The following NLGN1 variants were observed in gnomAD, a reference collection of about 807,000 sequenced individuals.
The protein encoded by NLGN1 is neuroligin-1.
A neutral mutation model predicts 65.5 loss-of-function variants in NLGN1; 12 were observed. The observed-to-expected ratio is 0.18, with a 90% CI of 0.12 to 0.30. NLGN1 has a LOEUF of 0.30. NLGN1 is among the 10% of genes least tolerant of loss of function. The pLI is 1.00. For missense variants in NLGN1, 750 were observed against 1,007.1 expected, an observed-to-expected ratio of 0.74 and a Z score of 3.46; for synonymous variants, 350 against 359.5, an observed-to-expected ratio of 0.97 and a Z score of 0.30.
intron 4 of NLGN1, among the ~76,000 whole-genome samples, chr3:174,140,639 C>T (rs530075773): frequency 1.3e-5 from 2 of 152,252 alleles, no homozygotes; most frequent in African/African-American, 4.8e-5. Flanking sequence ...TTAGCCATTA[C>T]TCCACGTTAC....
At chr3:173,913,924 T>C (rs1329036124) in intron 4 of NLGN1, among the ~76,000 whole-genome samples, 1 of 152,172 alleles carries the variant, frequency 6.6e-6, no homozygotes, top group Non-Finnish European at 1.5e-5. Context: ...TAGGGTTCCC[T>C]ACCCAAGTCA....
chr3:173,940,080 CTTTTTTTT>C (rs531013909), intron 4 of NLGN1, among the ~76,000 whole-genome samples: 1 of 75,404 alleles, frequency 1.3e-5, no homozygotes, highest in African/African-American at 6.0e-5. Flanking sequence ...ATAGTTATAG[CTTTTTTTT>C]TTTTTTTTTT....
chr3:174,266,299 A>G (rs1405552290), intron 4 of NLGN1, among the ~76,000 whole-genome samples: 1 of 152,142 alleles, frequency 6.6e-6, no homozygotes, highest in Admixed American at 6.6e-5. Flanking sequence ...ACAGGTGAGA[A>G]GATGCAGTAT....
intron 2 of NLGN1, among the ~76,000 whole-genome samples, chr3:173,530,510 G>T (rs1470334933): frequency 6.6e-6 from 1 of 152,150 alleles, no homozygotes; most frequent in Non-Finnish European, 1.5e-5. Flanking sequence ...ATTCGTGAGG[G>T]TAATTTTCTG....
intron 2 of NLGN1, among the ~76,000 whole-genome samples, chr3:173,508,921 G>C (rs1162083113): frequency 6.6e-6 from 1 of 152,076 alleles, no homozygotes; most frequent in Non-Finnish European, 1.5e-5. Flanking sequence ...CACTGCTCCA[G>C]CTCAACCAGC....
At chr3:174,262,792 G>T (rs1358530645) in intron 4 of NLGN1, among the ~76,000 whole-genome samples, 3 of 77,918 alleles carry the variant, frequency 3.9e-5, no homozygotes, top group African/African-American at 5.3e-5. Flanking sequence ...GTCAATTTTG[G>T]ATCTTTCCTG....
At chr3:173,809,283 G>T (rs912275736) in intron 4 of NLGN1, among the ~76,000 whole-genome samples, 17 of 152,164 alleles carry the variant, frequency 1.1e-4, no homozygotes, top group African/African-American at 3.4e-4. Context: ...AATAATTCTT[G>T]AATCTTAAAC....
Position 174,280,707 on chromosome 3 carries a change from A to G in NLGN1, c.1876A>G (p.Thr626Ala). Residue 626 changes from threonine (T) to alanine (A), a missense_variant, in exon 7 of 7, where the codon ACA becomes GCA. Physicochemically the swap from Thr to Ala is moderately conservative, Grantham distance 58. Coordinates refer to ENST00000457714, the Ensembl canonical transcript of NLGN1. This position sits in a 1 kb window ranked among gnomAD's most constrained non-coding sequence, Gnocchi z 4.9. The stretch of plus-strand genomic sequence containing the variant: ...TGACATTTCTCAGTATACCTCTACA[A>G]CAACTAAAGTGCCATCAACTGACAT... 1.2e-6 allele frequency: 2 copies of G among 1,613,410 alleles called. No individual in the cohort carries two copies. The highest frequency in any genetic ancestry group is 1.7e-6 in the Non-Finnish European group (2 of 1,179,570).
chr3:173,702,592 C>T (rs568773467), intron 3 of NLGN1, among the ~76,000 whole-genome samples: 4 of 152,254 alleles, frequency 2.6e-5, no homozygotes, highest in African/African-American at 9.6e-5. Flanking sequence ...AAAAGAACAT[C>T]ATATGATTTT....
intron 2 of NLGN1, among the ~76,000 whole-genome samples, chr3:173,470,795 C>T (rs1445911582): frequency 6.6e-6 from 1 of 152,106 alleles, no homozygotes; most frequent in East Asian, 1.9e-4. Context: ...CTATGGGATT[C>T]TTAATGATGA....
At chr3:174,294,015 A>G in the NLGN1 span, among the ~76,000 whole-genome samples, 1 of 151,746 alleles carries the variant, frequency 6.6e-6, no homozygotes, top group Non-Finnish European at 1.5e-5. Context: ...GAAAGTTTGG[A>G]AAAAGCATAT....
At chr3:173,507,922 C>T (rs971578907) in intron 2 of NLGN1, among the ~76,000 whole-genome samples, 1 of 152,110 alleles carries the variant, frequency 6.6e-6, no homozygotes, top group Admixed American at 6.6e-5. Flanking sequence ...TTAGTTACAG[C>T]GCAGTTTACT....
chr3:173,973,528 T>A (rs1013063882), intron 4 of NLGN1, among the ~76,000 whole-genome samples: 1 of 152,040 alleles, frequency 6.6e-6, no homozygotes, highest in Non-Finnish European at 1.5e-5. Flanking sequence ...GATAACAAAT[T>A]TTTGAGGAAT....
At chr3:173,830,121 T>C (rs966417338) in intron 4 of NLGN1, among the ~76,000 whole-genome samples, 4 of 152,170 alleles carry the variant, frequency 2.6e-5, no homozygotes, top group African/African-American at 9.7e-5. Context: ...TGAAGAGATA[T>C]CTTTTTAATA....
chr3:173,918,990 G>A (rs1436634286), intron 4 of NLGN1, among the ~76,000 whole-genome samples: 1 of 151,990 alleles, frequency 6.6e-6, no homozygotes, highest in Non-Finnish European at 1.5e-5. Flanking sequence ...AGTCCAGCAT[G>A]TTCAGATTTC....
chr3:174,183,905 T>C (rs1730915309), intron 4 of NLGN1, among the ~76,000 whole-genome samples: 1 of 152,196 alleles, frequency 6.6e-6, no homozygotes, highest in Non-Finnish European at 1.5e-5. Flanking sequence ...ATGTTCCTCC[T>C]ATTTACAGAT....
chr3:173,429,364 A>G (rs1490451527), intron 1 of NLGN1, among the ~76,000 whole-genome samples: 1 of 152,054 alleles, frequency 6.6e-6, no homozygotes, highest in Non-Finnish European at 1.5e-5. Flanking sequence ...TCTTTTTGTT[A>G]AATTTATCTG....
intron 3 of NLGN1, among the ~76,000 whole-genome samples, chr3:173,764,400 T>C (rs1778443036): frequency 6.6e-6 from 1 of 152,140 alleles, no homozygotes; most frequent in African/African-American, 2.4e-5. Flanking sequence ...GAATCACTGC[T>C]TCCTGTAAGG....
chr3:173,650,287 T>C (rs1200626877), intron 3 of NLGN1, among the ~76,000 whole-genome samples: 3 of 152,154 alleles, frequency 2.0e-5, no homozygotes, highest in Non-Finnish European at 2.9e-5. Context: ...TATTTTGCCT[T>C]TCCAAATGAT....
Sources: allele counts gnomAD v4.1 joint callset (sites outside exome capture counted in the v4.1 genomes callset), GRCh38; gene constraint gnomAD v4.1.1; non-coding constraint Gnocchi (gnomAD v3.1); transcripts MANE v1.5; gene names NCBI Gene and HGNC (gene_info 2026-07-23, HGNC 2026-07-21).